Variants in MYO1D observed in about 807,000 individuals in gnomAD.
MYO1D encodes unconventional myosin-Id.
A neutral mutation model predicts 122.0 loss-of-function variants in MYO1D; 83 were observed. The observed-to-expected ratio is 0.68, with a 90% confidence interval of 0.57 to 0.82. The LOEUF (loss-of-function observed/expected upper bound fraction) is 0.82, where lower values mean the gene tolerates loss of function less well. Ranked by LOEUF, MYO1D falls within the 40% of genes least tolerant of loss-of-function variation. The pLI is 0.00. For synonymous variants in MYO1D, 464 were observed against 446.9 expected (o/e 1.04, Z -0.48); for missense variants, 1,157 against 1,269.5 (o/e 0.91, Z 1.35).
intron 8 of MYO1D, among the ~76,000 whole-genome samples, chr17:32,764,442 G>T (rs773690300): frequency 6.6e-6 from 1 of 152,152 alleles, no homozygotes; most frequent in Non-Finnish European, 1.5e-5. Flanking sequence ...ACAAATAAAT[G>T]GTAAGTAGGT....
intron 20 of MYO1D, among the ~76,000 whole-genome samples, chr17:32,613,681 G>A (rs1246202439): frequency 6.8e-6 from 1 of 147,690 alleles, no homozygotes; most frequent in Non-Finnish European, 1.5e-5. Context: ...GGCTGAGGCA[G>A]GAGAATCGCA....
chr17:32,631,693 G>A (rs2150933780), intron 20 of MYO1D, among the ~76,000 whole-genome samples: 1 of 152,026 alleles, frequency 6.6e-6, no homozygotes, highest in African/African-American at 2.4e-5. Flanking sequence ...ATTTAAATAT[G>A]TACTGAATAT....
intron 20 of MYO1D, among the ~76,000 whole-genome samples, chr17:32,629,626 C>G (rs998052201): frequency 6.6e-6 from 1 of 151,712 alleles, no homozygotes; most frequent in African/African-American, 2.4e-5. Context: ...ATTCCAGCTA[C>G]TCGGCTGAGG....
At chr17:32,672,557 C>T (rs1354797430) in intron 16 of MYO1D, among the ~76,000 whole-genome samples, 3 of 152,088 alleles carry the variant, frequency 2.0e-5, no homozygotes, top group South Asian at 2.1e-4. Flanking sequence ...GTGATCTCAG[C>T]TCACTGCCAC....
intron 19 of MYO1D, among the ~76,000 whole-genome samples, chr17:32,643,404 C>T (rs1008041696): frequency 6.6e-6 from 1 of 152,088 alleles, no homozygotes; most frequent in Non-Finnish European, 1.5e-5. Flanking sequence ...TGTGTCTCTG[C>T]CAGGCTTTGG....
intron 20 of MYO1D, among the ~76,000 whole-genome samples, chr17:32,623,724 T>G (rs2087883577): frequency 6.6e-6 from 1 of 152,144 alleles, no homozygotes; most frequent in Admixed American, 6.5e-5. Flanking sequence ...AACTGGTGGC[T>G]TATAAACAAC....
At chr17:32,617,472 T>C (rs2087786986) in intron 20 of MYO1D, among the ~76,000 whole-genome samples, 1 of 152,152 alleles carries the variant, frequency 6.6e-6, no homozygotes, top group African/African-American at 2.4e-5. Context: ...CGCTGTTGTC[T>C]GTTGTTGGCC....
intron 1 of MYO1D, among the ~76,000 whole-genome samples, chr17:32,854,579 A>T (rs971343511): frequency 6.6e-6 from 1 of 152,268 alleles, no homozygotes; most frequent in Non-Finnish European, 1.5e-5. Context: ...CAGTGGTGAC[A>T]GATTTAATTT....
chr17:32,703,732 G>A (rs1255551102), intron 16 of MYO1D, among the ~76,000 whole-genome samples: 1 of 152,144 alleles, frequency 6.6e-6, no homozygotes, highest in Non-Finnish European at 1.5e-5. Context: ...AATGGTTACA[G>A]AATATTAGAG....
At chr17:32,572,771 T>C (rs972672760) in intron 21 of MYO1D, among the ~76,000 whole-genome samples, 1 of 151,976 alleles carries the variant, frequency 6.6e-6, no homozygotes, top group African/African-American at 2.4e-5. Context: ...TAATTTCCAT[T>C]TTAGGGCCTT....
At chr17:32,717,880 C>T (rs560985824) in intron 15 of MYO1D, among the ~76,000 whole-genome samples, 6 of 152,182 alleles carry the variant, frequency 3.9e-5, no homozygotes, top group East Asian at 3.9e-4. Context: ...TCTGAAGATT[C>T]GTCTTTTTTC....
chr17:32,841,095 G>A lies in MYO1D; in HGVS notation c.95+35683C>T, dbSNP rs114358640. On this transcript the variant is annotated intron_variant, in intron 1 of 21. Coordinates refer to ENST00000318217, the MANE Select transcript of MYO1D (RefSeq NM_015194.3). ...TTCAAGGTAGGCTAGGCTGAGCTAC[G>A]ATGTTTGGTAGGTTAAGTGTATTAA... Among the ~76,000 whole-genome samples, 431 of 152,274 alleles carry A rather than the reference G, an allele frequency of 2.8e-3. 6 individuals are homozygous for A. Among genetic ancestry groups the A allele is most frequent in the African/African-American group, 9.9e-3 (413 of 41,554 alleles).
At chr17:32,506,335 AGGT>A (rs1338539195) in intron 21 of MYO1D, among the ~76,000 whole-genome samples, 1 of 152,220 alleles carries the variant, frequency 6.6e-6, no homozygotes, top group Non-Finnish European at 1.5e-5. Flanking sequence ...GCAGCATGAA[AGGT>A]GGGGTGGTGG....
At chr17:32,849,670 G>C (rs1258751429) in intron 1 of MYO1D, among the ~76,000 whole-genome samples, 2 of 151,034 alleles carry the variant, frequency 1.3e-5, no homozygotes, top group Non-Finnish European at 1.5e-5. Flanking sequence ...TTGTGGGGTG[G>C]GGGGAGAGGG....
intron 16 of MYO1D, among the ~76,000 whole-genome samples, chr17:32,684,894 C>T (rs942149745): frequency 6.6e-6 from 1 of 152,158 alleles, no homozygotes; most frequent in African/African-American, 2.4e-5. Flanking sequence ...AAAATACAAA[C>T]TCTTCATCTT....
intron 1 of MYO1D, among the ~76,000 whole-genome samples, chr17:32,782,964 A>G (rs1191016346): frequency 6.6e-6 from 1 of 152,086 alleles, no homozygotes; most frequent in Non-Finnish European, 1.5e-5. Flanking sequence ...TCCCTGACTC[A>G]GCTGTCAGTC....
intron 16 of MYO1D, among the ~76,000 whole-genome samples, chr17:32,702,272 G>C (rs1205149249): frequency 6.6e-6 from 1 of 152,056 alleles, no homozygotes; most frequent in Non-Finnish European, 1.5e-5. Context: ...CATTATGCCT[G>C]CACTGATTTA....
intron 2 of MYO1D, 60 bp downstream of exon 2, chr17:32,780,516 A>G: frequency 6.7e-7 from 1 of 1,502,806 alleles, no homozygotes; most frequent in Non-Finnish European, 9.2e-7. Flanking sequence ...TGGATTCTTG[A>G]GTATCAAACA....
intron 20 of MYO1D, among the ~76,000 whole-genome samples, chr17:32,606,898 G>T (rs1162626532): frequency 2.0e-5 from 3 of 152,198 alleles, no homozygotes; most frequent in Non-Finnish European, 4.4e-5. Flanking sequence ...GGTGGCTCAC[G>T]CCTGTAATCC....
Sources: allele counts gnomAD v4.1 joint callset (sites outside exome capture counted in the v4.1 genomes callset), GRCh38; gene constraint gnomAD v4.1.1; transcripts MANE v1.5; gene names NCBI Gene and HGNC (gene_info 2026-07-23, HGNC 2026-07-21).